The following ROBO1 variants were observed in gnomAD, a reference collection of about 807,000 sequenced individuals.
ROBO1 encodes the protein roundabout guidance receptor 1, also known as roundabout homolog 1.
Under a neutral mutation model 195.9 loss-of-function variants are expected in ROBO1, and 149 were observed. That is an observed-to-expected ratio of 0.76 (90% CI 0.67 to 0.87). The LOEUF is 0.87. Among genes scored for constraint, ROBO1 ranks in the 40% least tolerant of loss-of-function variants. ROBO1 has a pLI of 0.00. For missense variants in ROBO1, 1,933 were observed against 2,068.3 expected (o/e 0.93, Z 1.27); for synonymous variants, 816 against 733.2 (o/e 1.11, Z -1.82).
intron 3 of ROBO1, among the ~76,000 whole-genome samples, chr3:78,998,810 T>A (rs564360563): frequency 6.6e-6 from 1 of 152,228 alleles, no homozygotes. Context: ...ATGCTACTGG[T>A]TGAGAGATCT....
At position 78,887,108 on chromosome 3, in the gene ROBO1, T is replaced by C. The variant is rs74829954; in HGVS notation, c.499+51493A>G. ...TATGTCAATAATACTGTTCTTAGTA[T>C]TGAAGAAAGAAATTAATATGGATAC... On this transcript the variant is annotated intron_variant, in intron 4 of 30. Coordinates refer to ENST00000464233, the MANE Select transcript of ROBO1 (RefSeq NM_002941.4). Among the ~76,000 whole-genome samples, 1,129 of 152,280 alleles carry C rather than the reference T, an allele frequency of 7.4e-3. 71 individuals carry two copies. The East Asian group carries it at 0.13, about 18-fold the overall frequency.
At chr3:79,077,955 T>C (rs978138974) in intron 3 of ROBO1, among the ~76,000 whole-genome samples, 5 of 151,838 alleles carry the variant, frequency 3.3e-5, no homozygotes, top group African/African-American at 1.2e-4. Flanking sequence ...TCAGTGCTAG[T>C]TATTATGAGT....
At chr3:79,194,484 C>T (rs1559726654) in intron 2 of ROBO1, among the ~76,000 whole-genome samples, 1 of 151,642 alleles carries the variant, frequency 6.6e-6, no homozygotes. Context: ...CCACTACCTA[C>T]ACAAAAAATA....
chr3:79,087,185 T>C (rs1272529773), intron 3 of ROBO1, among the ~76,000 whole-genome samples: 1 of 152,164 alleles, frequency 6.6e-6, no homozygotes, highest in Non-Finnish European at 1.5e-5. Context: ...AGAACTTAGA[T>C]ACACAACTCT....
At chr3:79,104,466 C>A (rs560023999) in intron 3 of ROBO1, among the ~76,000 whole-genome samples, 45 of 151,816 alleles carry the variant, frequency 3.0e-4, no homozygotes, top group African/African-American at 1.0e-3. Context: ...GATGTGTAAT[C>A]ACAATGCTGT....
intron 3 of ROBO1, among the ~76,000 whole-genome samples, chr3:79,089,410 T>C (rs2079435325): frequency 6.6e-6 from 1 of 152,174 alleles, no homozygotes; most frequent in Non-Finnish European, 1.5e-5. Flanking sequence ...GTCAATTTTA[T>C]TGATATGCCA....
intron 3 of ROBO1, among the ~76,000 whole-genome samples, chr3:79,055,105 G>A (rs2078779635): frequency 1.3e-5 from 2 of 152,004 alleles, no homozygotes; most frequent in Admixed American, 1.3e-4. Context: ...GGTTTGGTGG[G>A]CCTGGTGTTA....
intron 2 of ROBO1, among the ~76,000 whole-genome samples, chr3:79,198,252 A>C (rs1168641268): frequency 1.3e-5 from 2 of 152,136 alleles, no homozygotes; most frequent in South Asian, 2.1e-4. Flanking sequence ...AGCTTTCTGC[A>C]TATGGCTAGC....
chr3:79,687,310 T>A (rs1260890798), intron 1 of ROBO1, among the ~76,000 whole-genome samples: 1 of 151,992 alleles, frequency 6.6e-6, no homozygotes, highest in South Asian at 2.1e-4. Context: ...GACATAGGCA[T>A]GGGCAAGGAC....
chr3:79,064,209 A>T (rs528956709), intron 3 of ROBO1, among the ~76,000 whole-genome samples: 7 of 152,100 alleles, frequency 4.6e-5, no homozygotes, highest in African/African-American at 1.7e-4. Flanking sequence ...CTATAAATAT[A>T]TACAGTTATT....
At chr3:79,569,126 G>GCA (rs71127393) in intron 2 of ROBO1, among the ~76,000 whole-genome samples, 9,303 of 149,682 alleles carry the variant, frequency 0.062, 345 homozygotes, top group African/African-American at 0.093. Flanking sequence ...GTGCACACGC[G>GCA]CACACACACA....
intron 1 of ROBO1, among the ~76,000 whole-genome samples, chr3:79,685,619 G>T (rs958424437): frequency 6.6e-6 from 1 of 152,106 alleles, no homozygotes; most frequent in Non-Finnish European, 1.5e-5. Flanking sequence ...CTGAGAATGG[G>T]TCTTTGGCAA....
chr3:79,375,361 G>A (rs2109351629), intron 2 of ROBO1, among the ~76,000 whole-genome samples: 1 of 152,272 alleles, frequency 6.6e-6, no homozygotes, highest in South Asian at 2.1e-4. Flanking sequence ...AGCAGCCCAA[G>A]GGGACGGATG....
Position 79,070,919 on chromosome 3 carries a change from TAG to T in ROBO1, c.172+54535_172+54536del, listed in dbSNP as rs1461257924. Among the ~76,000 whole-genome samples the T allele has an allele frequency of 4.0e-5, 6 of 151,896 alleles. No homozygotes were observed. The East Asian group carries it at 1.2e-3, about 30-fold the overall frequency. On this transcript the variant is annotated intron_variant, in intron 3 of 30. Transcript: ENST00000464233. ...TATACTGACTTTTAAAATTTTTTAT[TAG>T]TTATTTTTTAATTAAGGTATAGTTG...
At chr3:79,091,407 C>T (rs2079477859) in intron 3 of ROBO1, among the ~76,000 whole-genome samples, 1 of 152,064 alleles carries the variant, frequency 6.6e-6, no homozygotes, top group African/African-American at 2.4e-5. Context: ...GTACGTTAGT[C>T]TTGCATTACA....
chr3:79,302,755 G>GA (rs926952244), intron 2 of ROBO1, among the ~76,000 whole-genome samples: 1 of 151,784 alleles, frequency 6.6e-6, no homozygotes, highest in Non-Finnish European at 1.5e-5. Flanking sequence ...TAACCTTTCA[G>GA]AAAAAGAGAA....
At chr3:79,212,049 C>A (rs984479235) in intron 2 of ROBO1, among the ~76,000 whole-genome samples, 1 of 152,208 alleles carries the variant, frequency 6.6e-6, no homozygotes, top group Non-Finnish European at 1.5e-5. Context: ...GGCTAGTTAT[C>A]CACAGCAGGA....
intron 2 of ROBO1, among the ~76,000 whole-genome samples, chr3:79,465,405 C>G (rs1433656693): frequency 6.6e-6 from 1 of 152,106 alleles, no homozygotes; most frequent in African/African-American, 2.4e-5. Context: ...GTTGGTTACG[C>G]ATTTTTGTCT....
intron 2 of ROBO1, among the ~76,000 whole-genome samples, chr3:79,151,190 G>A (rs576301610): frequency 2.4e-4 from 37 of 151,892 alleles, no homozygotes; most frequent in African/African-American, 8.7e-4. Context: ...GTGGAACTGG[G>A]AGTCAATTAA....
Sources: gnomAD v4.1 joint callset for allele counts (sites outside exome capture counted in the v4.1 genomes callset) on GRCh38, gnomAD v4.1.1 for gene constraint, MANE v1.5 for transcripts, NCBI Gene and HGNC (gene_info 2026-07-23, HGNC 2026-07-21) for gene names.